Variants in PSORS1C2 observed in about 807,000 individuals in gnomAD.
PSORS1C2 encodes the protein psoriasis susceptibility 1 candidate gene 2 protein.
In PSORS1C2, 13 loss-of-function variants were observed where a neutral mutation model predicts 12.2. That is an observed-to-expected ratio of 1.07 (90% confidence interval 0.70 to 1.70). The LOEUF is 1.70. Among genes scored for constraint, PSORS1C2 ranks in the 40% most tolerant of loss-of-function variants. The probability of loss-of-function intolerance (pLI) is 0.00; values close to 1 mark genes in which losing one functional copy is unlikely to be tolerated. For missense variants in PSORS1C2, 186 were observed against 173.4 expected, an observed-to-expected ratio of 1.07 and a Z score of -0.41; for synonymous variants, 76 against 69.2, an observed-to-expected ratio of 1.10 and a Z score of -0.49.
chr6:31,138,676 C>T (rs752750792), intron 1 of PSORS1C2: 1 of 1,613,342 alleles, frequency 6.2e-7, no homozygotes, highest in Non-Finnish European at 8.5e-7. Flanking sequence ...CCCAGCTTTA[C>T]AAGGACCCCA....
chr6:31,138,421 C>T (rs905296225), intron 1 of PSORS1C2, 115 bp from the exon 2 acceptor site: 2 of 1,612,630 alleles, frequency 1.2e-6, no homozygotes, highest in Non-Finnish European at 1.7e-6. Flanking sequence ...TGAACTGACC[C>T]ACAAACAGAC....
intron 1 of PSORS1C2, 75 bp from the exon 2 acceptor site, chr6:31,138,381 G>A: frequency 1.2e-6 from 2 of 1,605,992 alleles, no homozygotes; most frequent in Non-Finnish European, 1.7e-6. Context: ...CCAGCCCCAG[G>A]AGGAGGAGCC....
Position 31,137,866 on chromosome 6 carries a change from T to G in PSORS1C2, c.*85A>C. ...AGAGGTTTAAGGAGACAGGCTAAAT[T>G]GGGAAGAATTCACGGGGAATCAGAG... On this transcript the variant is annotated 3_prime_UTR_variant, in exon 2 of 2. Coordinates refer to ENST00000259845, the MANE Select transcript of PSORS1C2 (RefSeq NM_014069.3). 1 of 600,912 alleles carries G rather than the reference T, an allele frequency of 1.7e-6. No individual in the cohort carries two copies. Among genetic ancestry groups the G allele is most frequent in the Non-Finnish European group, 2.8e-6 (1 of 363,454 alleles). 37.2% of individuals were successfully genotyped at this position (600,912 alleles called of 1,614,324 possible). A position where few individuals can be genotyped will look rare whatever the true frequency, so the allele number is the denominator to read the frequency against.
rs376368481 is a variant in PSORS1C2 at position 31,137,977 on chromosome 6, C to G, written c.385G>C (p.Asp129His). ...TATCTGTACTCTTCCCGGGGTGGGTCTAGGTCTGGCTCCTCCTGAGGTCGG... is the reference window on the plus strand; with the variant it reads ...TATCTGTACTCTTCCCGGGGTGGGTGTAGGTCTGGCTCCTCCTGAGGTCGG... ...DNRPQEEPDL[D>H]PPREEYR Residue 129 changes from aspartate to histidine, a missense_variant, in exon 2 of 2, where the codon GAC becomes CAC. By Grantham distance (81) the Asp-to-His change is moderately conservative. Coordinates refer to ENST00000259845, the MANE Select transcript of PSORS1C2 (RefSeq NM_014069.3). 8.0e-6 allele frequency: 12 copies of G among 1,508,364 alleles called. No homozygotes were observed. In the African/African-American group the frequency reaches 1.7e-4, roughly 21 times the overall value. The allele number at this position is 1,508,364 out of a possible 1,614,324, so 93.4% of individuals were successfully genotyped here. A position where few individuals can be genotyped will look rare whatever the true frequency, so the allele number is the denominator to read the frequency against.
chr6:31,138,977 G>A lies in PSORS1C2; in HGVS notation c.50C>T (p.Thr17Ile). Residue 17 changes from threonine (T) to isoleucine (I), a missense_variant, in exon 1 of 2, where the codon ACC becomes ATC. Physicochemically the swap from Thr to Ile is moderately conservative, Grantham distance 89 (BLOSUM62 -1). Transcript: ENST00000259845. ...TGCCTCTGTTCCCACCTCACCTCTG[G>A]TGTGCAGGCAAAGGACCAGGATCCC... ...LLGILVLCLH[T>I]RGISGSEGHP... 6.2e-7 allele frequency: 1 copy of A among 1,613,986 alleles called. No individual in the cohort carries two copies. Among genetic ancestry groups the A allele is most frequent in the Non-Finnish European group, 8.5e-7 (1 of 1,179,924 alleles).
In PSORS1C2 at chr6:31,138,977, G is replaced by T. The variant is rs1237583432; in HGVS notation, c.50C>A (p.Thr17Asn). 3 of 1,613,986 alleles carry T rather than the reference G, an allele frequency of 1.9e-6. No individual in the cohort carries two copies. The change falls in exon 1 of 2, where the codon ACC (threonine) becomes AAC (asparagine). Residue 17 changes from threonine to asparagine, a missense_variant. Coordinates refer to ENST00000259845, the MANE Select transcript of PSORS1C2 (RefSeq NM_014069.3). ...LLGILVLCLH[T>N]RGISGSEGHP... The stretch of plus-strand genomic sequence containing the variant: ...TGCCTCTGTTCCCACCTCACCTCTG[G>T]TGTGCAGGCAAAGGACCAGGATCCC...
At position 31,138,111 on chromosome 6, in the gene PSORS1C2, G is replaced by A; in HGVS notation, c.251C>T (p.Pro84Leu). ...RDLPETGVWL[P>L]EPPRTDPPQP... Reference sequence around the variant, plus strand: ...AGGAGGATCCGTTCTAGGCGGTTCAGGGAGCCAGACTCCAGTTTCAGGCAG... The same window carrying A: ...AGGAGGATCCGTTCTAGGCGGTTCAAGGAGCCAGACTCCAGTTTCAGGCAG... Residue 84 changes from proline (P) to leucine (L), a missense_variant, in exon 2 of 2, where the codon CCT becomes CTT. Coordinates refer to ENST00000259845, the MANE Select transcript of PSORS1C2 (RefSeq NM_014069.3). 1.2e-6 allele frequency: 2 copies of A among 1,603,868 alleles called. No homozygotes were observed. Among genetic ancestry groups the A allele is most frequent in the Non-Finnish European group, 1.7e-6 (2 of 1,176,118 alleles).
Position 31,138,113 on chromosome 6 carries a change from GA to G in PSORS1C2, c.248del (p.Leu83ProfsTer46). ...WRDLPETGVW[L>X]PEPPRTDPPQ... is the part of the protein sequence containing the mutation. ...GAGGATCCGTTCTAGGCGGTTCAGG[GA>G]GCCAGACTCCAGTTTCAGGCAGGTC... On this transcript the variant is annotated frameshift_variant, in exon 2 of 2. Transcript: ENST00000259845. LOFTEE classifies it high-confidence loss of function. The G allele has an allele frequency of 1.2e-6, 2 of 1,604,110 alleles. No individual in the cohort carries two copies. Among genetic ancestry groups the G allele is most frequent in the Admixed American group, 1.7e-5 (1 of 58,234 alleles).
intron 1 of PSORS1C2, 196 bp from the exon 2 acceptor site, chr6:31,138,502 C>T (rs1270027110): frequency 1.2e-6 from 2 of 1,609,398 alleles, no homozygotes; most frequent in African/African-American, 2.7e-5. Context: ...TGTCATGAAC[C>T]CCTACCCCCG....
intron 1 of PSORS1C2, 107 bp from the exon 2 acceptor site, chr6:31,138,413 A>C (rs1483615707): frequency 1.2e-6 from 2 of 1,606,374 alleles, no homozygotes; most frequent in Non-Finnish European, 1.7e-6. Flanking sequence ...ACGCAGCCTG[A>C]ACTGACCCAC....
chr6:31,138,288 C>CCCTCGCTGCCTGAGATG lies in PSORS1C2; in HGVS notation c.57_73dup (p.Gly25AlafsTer110). 6.3e-7 allele frequency: 1 copy of CCCTCGCTGCCTGAGATG among 1,585,968 alleles called. No homozygotes were observed. The highest frequency in any genetic ancestry group is 8.6e-7 in the Non-Finnish European group (1 of 1,165,948). ...CTCTGCGGGTGGGTGAGAGGGGTGG[C>CCCTCGCTGCCTGAGATG]CCTCGCTGCCTGAGATGCCTGTAAA... On this transcript the variant is annotated frameshift_variant, in exon 2 of 2. Coordinates refer to ENST00000259845, the MANE Select transcript of PSORS1C2 (RefSeq NM_014069.3). LOFTEE classifies it high-confidence loss of function.
chr6:31,138,748 CTT>C, intron 1 of PSORS1C2: 2 of 1,614,148 alleles, frequency 1.2e-6, no homozygotes, highest in Non-Finnish European at 1.7e-6. Context: ...TCCTGACCGA[CTT>C]TGCCACATGG....
chr6:31,137,626 A>C lies in PSORS1C2; in HGVS notation c.*325T>G. The stretch of plus-strand genomic sequence containing the variant: ...GCCGGCCACCAGGTGGCAGAAGGGA[A>C]CACAGTACCATAGCCCTGCCCCAGC... On this transcript the variant is annotated 3_prime_UTR_variant, in exon 2 of 2. Coordinates refer to ENST00000259845, the MANE Select transcript of PSORS1C2 (RefSeq NM_014069.3). 1.9e-5 allele frequency: 6 copies of C among 321,968 alleles called. No individual in the cohort carries two copies. Among genetic ancestry groups the C allele is most frequent in the Admixed American group, 4.9e-5 (1 of 20,430 alleles). The allele number at this position is 321,968 out of a possible 1,614,324, so 19.9% of individuals were successfully genotyped here.
intron 1 of PSORS1C2, 72 bp from the exon 2 acceptor site, chr6:31,138,378 CAGG>C: frequency 1.2e-6 from 2 of 1,608,684 alleles, no homozygotes; most frequent in Non-Finnish European, 8.5e-7. Flanking sequence ...GCCCCAGCCC[CAGG>C]AGGAGGAGCC....
Position 31,137,865 on chromosome 6 carries a change from T to G in PSORS1C2, c.*86A>C. Reference sequence around the variant, plus strand: ...AAGAGGTTTAAGGAGACAGGCTAAATTGGGAAGAATTCACGGGGAATCAGA... The same window carrying G: ...AAGAGGTTTAAGGAGACAGGCTAAAGTGGGAAGAATTCACGGGGAATCAGA... On this transcript the variant is annotated 3_prime_UTR_variant, in exon 2 of 2. Transcript: ENST00000259845. The G allele has an allele frequency of 3.3e-6, 2 of 599,376 alleles. No homozygotes were observed. Among genetic ancestry groups the G allele is most frequent in the South Asian group, 3.3e-5 (1 of 30,624 alleles). The allele number at this position is 599,376 out of a possible 1,614,324, so 37.1% of individuals were successfully genotyped here.
At position 31,138,220 on chromosome 6, in the gene PSORS1C2, G is replaced by A; in HGVS notation, c.142C>T (p.Pro48Ser). ...AGSPTLPQGP[P>S]VPGDPWPGAP... ...CCTGGCCAAGGGTCACCGGGGACTG[G>A]GGGGCCCTGAGGCAATGTTGGGGAG... Residue 48 changes from proline (P) to serine (S), a missense_variant, in exon 2 of 2, where the codon CCA becomes TCA. Pro to Ser is a moderately conservative substitution (Grantham distance 74, BLOSUM62 -1). Coordinates refer to ENST00000259845, the MANE Select transcript of PSORS1C2 (RefSeq NM_014069.3). 2 of 1,568,534 alleles carry A rather than the reference G, an allele frequency of 1.3e-6. No homozygotes were observed. The highest frequency in any genetic ancestry group is 1.2e-5 in the South Asian group (1 of 83,734).
intron 1 of PSORS1C2, chr6:31,138,511 C>G: frequency 6.2e-7 from 1 of 1,606,876 alleles, no homozygotes; most frequent in Non-Finnish European, 8.5e-7. Context: ...CCCCTACCCC[C>G]GATGGATCTG....
rs1301696447 is a variant in PSORS1C2, at chr6:31,137,660, G to A, written c.*291C>T. ...CATAGCCCTGCCCCAGCGATCGCGC[G>A]GGCAGGAAGACCGGGTGGGAGGTAG... On this transcript the variant is annotated 3_prime_UTR_variant, in exon 2 of 2. Transcript: ENST00000259845. The A allele has an allele frequency of 8.4e-6, 3 of 358,286 alleles. No individual in the cohort carries two copies. The highest frequency in any genetic ancestry group is 1.5e-5 in the Non-Finnish European group (3 of 201,298). 22.2% of individuals were successfully genotyped at this position (358,286 alleles called of 1,614,324 possible). A position where few individuals can be genotyped will look rare whatever the true frequency, so the allele number is the denominator to read the frequency against.
chr6:31,137,966 C>T lies in PSORS1C2; in HGVS notation c.396G>A (p.Arg132=), dbSNP rs942160214. The change falls in exon 2 of 2, where the codon CGG becomes CGA. Residue 132 remains arginine (R), a synonymous_variant. Coordinates refer to ENST00000259845, the MANE Select transcript of PSORS1C2 (RefSeq NM_014069.3). The part of the protein sequence containing the change: ...PQEEPDLDPP[R]EEYR ...GGGGACTCCATTATCTGTACTCTTC[C>T]CGGGGTGGGTCTAGGTCTGGCTCCT... 15 of 1,496,394 alleles carry T rather than the reference C, an allele frequency of 1.0e-5. No homozygotes were observed. In the African/African-American group the frequency reaches 2.0e-4, roughly 20 times the overall value. 92.7% of individuals were successfully genotyped at this position (1,496,394 alleles called of 1,614,324 possible). A position where few individuals can be genotyped will look rare whatever the true frequency, so the allele number is the denominator to read the frequency against.
Sources: gnomAD v4.1 joint callset for allele counts on GRCh38, gnomAD v4.1.1 for gene constraint, MANE v1.5 for transcripts, NCBI Gene and HGNC (gene_info 2026-07-23, HGNC 2026-07-21) for gene names.